Variants in PTPRT observed in about 807,000 individuals in gnomAD.
The protein encoded by PTPRT is receptor-type tyrosine-protein phosphatase T.
In PTPRT, 56 loss-of-function variants were observed where a neutral mutation model predicts 176.8. The ratio of observed to expected loss-of-function variants is 0.32; its 90% CI spans 0.26 to 0.40. PTPRT has a LOEUF of 0.40. Among genes scored for constraint, PTPRT ranks in the 10% least tolerant of loss-of-function variants. The pLI, the probability that PTPRT is intolerant of heterozygous loss-of-function variation, is 1.00. For synonymous variants in PTPRT, 783 were observed against 739.0 expected, an observed-to-expected ratio of 1.06 and a Z score of -0.96; for missense variants, 1,540 against 1,908.2, an observed-to-expected ratio of 0.81 and a Z score of 3.60.
chr20:42,938,357 G>A (rs1313683249), intron 1 of PTPRT, among the ~76,000 whole-genome samples: 2 of 152,180 alleles, frequency 1.3e-5, no homozygotes, highest in Non-Finnish European at 2.9e-5. Context: ...TTCCACCGAA[G>A]CACCATTTTC....
At position 42,084,767 on chromosome 20, in the gene PTPRT, G is replaced by A. The variant is rs768298187; in HGVS notation, c.4051C>T (p.Arg1351Cys). The A allele has an allele frequency of 1.4e-4, 217 of 1,561,650 alleles. No individual in the cohort carries two copies. The highest frequency in any genetic ancestry group is 9.0e-5 in the Non-Finnish European group (103 of 1,149,888). ...PAYRDTPPSK[R>C]SLLKVVRRLE... ...CGTCGGACCACTTTGAGCAGAGAGC[G>A]CTTGGAGGGGGGCGTGTCCCGGTAG... The change falls in exon 29 of 31, where the codon CGC becomes TGC. Residue 1351 changes from arginine to cysteine, a missense_variant. Arg to Cys is a radical substitution (Grantham distance 180). This residue lies in a region of PTPRT where 342 missense variants were observed against 394.0 expected (regional missense o/e 0.87). Transcript: ENST00000373187.
intron 1 of PTPRT, among the ~76,000 whole-genome samples, chr20:43,126,735 C>T (rs759963783): frequency 2.6e-5 from 4 of 152,208 alleles, no homozygotes; most frequent in South Asian, 2.1e-4. Flanking sequence ...CCTCCAGCCC[C>T]AATATCCCTT....
At chr20:43,161,445 G>A (rs1177200982) in intron 1 of PTPRT, among the ~76,000 whole-genome samples, 1 of 152,106 alleles carries the variant, frequency 6.6e-6, no homozygotes, top group Non-Finnish European at 1.5e-5. Context: ...TGTAAATAAG[G>A]AAATTAGGAT....
At chr20:42,745,723 T>A (rs1227691535) in intron 6 of PTPRT, among the ~76,000 whole-genome samples, 1 of 152,162 alleles carries the variant, frequency 6.6e-6, no homozygotes, top group African/African-American at 2.4e-5. Flanking sequence ...TCCATATATA[T>A]CTGTCACGGA....
intron 7 of PTPRT, among the ~76,000 whole-genome samples, chr20:42,574,744 G>A (rs879068064): frequency 5.3e-5 from 8 of 152,116 alleles, no homozygotes; most frequent in Non-Finnish European, 5.9e-5. Flanking sequence ...ATCTCATCTC[G>A]AATGGTAATC....
intron 1 of PTPRT, among the ~76,000 whole-genome samples, chr20:42,898,871 A>C (rs2079350162): frequency 6.6e-6 from 1 of 152,134 alleles, no homozygotes; most frequent in South Asian, 2.1e-4. Context: ...GGCTGAGAGA[A>C]CAGGGGGAGA....
At chr20:42,950,719 C>G (rs1981186353) in intron 1 of PTPRT, among the ~76,000 whole-genome samples, 1 of 152,202 alleles carries the variant, frequency 6.6e-6, no homozygotes, top group African/African-American at 2.4e-5. Flanking sequence ...TAGCTTTAGA[C>G]AGTCTCCATG....
At chr20:42,600,206 C>G (rs1386089315) in intron 7 of PTPRT, among the ~76,000 whole-genome samples, 1 of 152,182 alleles carries the variant, frequency 6.6e-6, no homozygotes, top group Non-Finnish European at 1.5e-5. Context: ...GTGGCACTAT[C>G]TCAACTCACT....
At chr20:43,049,530 T>C (rs1452422088) in intron 1 of PTPRT, among the ~76,000 whole-genome samples, 1 of 152,150 alleles carries the variant, frequency 6.6e-6, no homozygotes, top group Non-Finnish European at 1.5e-5. Flanking sequence ...AATCCAAACA[T>C]CTCAGACACA....
intron 7 of PTPRT, among the ~76,000 whole-genome samples, chr20:42,516,651 T>C (rs1452470846): frequency 1.3e-5 from 2 of 152,180 alleles, no homozygotes; most frequent in Non-Finnish European, 2.9e-5. Flanking sequence ...CATTTGTACT[T>C]AGAAGTAGAA....
chr20:43,102,284 TCACACACA>T (rs57029983), intron 1 of PTPRT, among the ~76,000 whole-genome samples: 85 of 140,550 alleles, frequency 6.0e-4, no homozygotes, highest in African/African-American at 2.0e-3. Flanking sequence ...CACTCACACA[TCACACACA>T]CACACACACA....
intron 11 of PTPRT, among the ~76,000 whole-genome samples, chr20:42,323,428 C>T (rs2057833683): frequency 1.3e-5 from 2 of 152,024 alleles, no homozygotes; most frequent in South Asian, 4.2e-4. Flanking sequence ...TACTATGCAG[C>T]CATAAAAAAT....
intron 1 of PTPRT, among the ~76,000 whole-genome samples, chr20:43,047,183 A>C (rs1008862871): frequency 6.0e-5 from 9 of 150,512 alleles, no homozygotes. Flanking sequence ...CTCATGTTTC[A>C]TCTTTCCTGA....
chr20:42,614,033 C>G (rs2074021021), intron 7 of PTPRT, among the ~76,000 whole-genome samples: 1 of 151,836 alleles, frequency 6.6e-6, no homozygotes, highest in Admixed American at 6.6e-5. Context: ...TCCTATTGTT[C>G]TAGAAACTGA....
intron 9 of PTPRT, among the ~76,000 whole-genome samples, chr20:42,362,391 C>T (rs2058443028): frequency 6.6e-6 from 1 of 151,188 alleles, no homozygotes; most frequent in Admixed American, 6.6e-5. Flanking sequence ...TCGATCTAAT[C>T]GTGAGAAAAC....
chr20:42,680,359 G>T (rs1010235227), intron 6 of PTPRT, among the ~76,000 whole-genome samples: 72 of 152,212 alleles, frequency 4.7e-4, no homozygotes, highest in Non-Finnish European at 1.5e-4. Flanking sequence ...ACAAAGCCAT[G>T]GAGGTTATTA....
intron 6 of PTPRT, among the ~76,000 whole-genome samples, chr20:42,726,174 G>A (rs1309934307): frequency 4.6e-5 from 7 of 151,792 alleles, no homozygotes; most frequent in African/African-American, 1.7e-4. Context: ...CTGCGTCCCA[G>A]GTTCAAGCAA....
intron 5 of PTPRT, among the ~76,000 whole-genome samples, chr20:42,757,555 G>C (rs528632738): frequency 6.6e-6 from 1 of 152,216 alleles, no homozygotes; most frequent in South Asian, 2.1e-4. Flanking sequence ...TCAGCTCACA[G>C]CCATCTCTAG....
At chr20:42,813,700 T>C (rs1338658712) in intron 2 of PTPRT, among the ~76,000 whole-genome samples, 5 of 152,216 alleles carry the variant, frequency 3.3e-5, no homozygotes, top group Non-Finnish European at 5.9e-5. Context: ...GTCTGATTTC[T>C]GAGCCTAATG....
Sources: allele counts gnomAD v4.1 joint callset (sites outside exome capture counted in the v4.1 genomes callset), GRCh38; gene constraint gnomAD v4.1.1; regional missense constraint gnomAD v4.1.1; transcripts MANE v1.5; gene names NCBI Gene and HGNC (gene_info 2026-07-23, HGNC 2026-07-21).